EFCAB5: variants seen among roughly 807,000 people sequenced by gnomAD.
EFCAB5 encodes the protein EF-hand calcium-binding domain-containing protein 5.
EFCAB5 carries 131 observed loss-of-function variants against 167.9 expected under a neutral mutation model. The observed-to-expected ratio is 0.78, with a 90% CI of 0.68 to 0.90. EFCAB5 has a LOEUF of 0.90. Ranked by LOEUF, EFCAB5 falls within the 40% of genes least tolerant of loss-of-function variation. EFCAB5 has a pLI of 0.00. For missense variants in EFCAB5, 1,663 were observed against 1,745.2 expected (o/e 0.95, Z 0.84); for synonymous variants, 574 against 602.8 (o/e 0.95, Z 0.70).
intron 14 of EFCAB5, among the ~76,000 whole-genome samples, chr17:30,066,490 A>G (rs2151809916): frequency 6.6e-6 from 1 of 152,228 alleles, no homozygotes; most frequent in South Asian, 2.1e-4. Flanking sequence ...GAAACAGAAC[A>G]TACTAAAACC....
chr17:30,085,548 G>C (rs994215209), intron 18 of EFCAB5, among the ~76,000 whole-genome samples: 6 of 151,944 alleles, frequency 3.9e-5, no homozygotes, highest in Non-Finnish European at 5.9e-5. Context: ...GTGAAACCCC[G>C]TCTCTACTAA....
At chr17:30,025,405 G>A (rs2069291124) in intron 7 of EFCAB5, among the ~76,000 whole-genome samples, 2 of 151,988 alleles carry the variant, frequency 1.3e-5, no homozygotes, top group Admixed American at 1.3e-4. Flanking sequence ...GCAGCCAAAA[G>A]ACACATGAAA....
chr17:30,042,619 T>G (rs1251558863), intron 8 of EFCAB5, among the ~76,000 whole-genome samples: 1 of 152,176 alleles, frequency 6.6e-6, no homozygotes, highest in African/African-American at 2.4e-5. Flanking sequence ...TATCCTTATA[T>G]GTATAAAGAA....
intron 19 of EFCAB5, 44 bp from the exon 20 acceptor site, chr17:30,090,373 AACAG>A: frequency 2.3e-5 from 37 of 1,592,194 alleles, no homozygotes; most frequent in Non-Finnish European, 3.1e-5. Context: ...GAATGATGTG[AACAG>A]ACAGATGTTT....
At position 30,012,866 on chromosome 17, in the gene EFCAB5, A is replaced by T. The variant is rs562914026; in HGVS notation, c.1044+12890A>T. Among the ~76,000 whole-genome samples the T allele has an allele frequency of 9.7e-4, 147 of 152,298 alleles. 1 individual carries two copies. Among genetic ancestry groups the T allele is most frequent in the African/African-American group, 3.4e-3 (141 of 41,558 alleles). On this transcript the variant is annotated intron_variant, in intron 7 of 22. Transcript: ENST00000394835. ...TTGAATAGGAGTGGTGAGAGAGGGC[A>T]TCCCTGTCTTATGCCAGTTTTCAAA...
intron 5 of EFCAB5, among the ~76,000 whole-genome samples, chr17:29,994,955 T>C (rs1567702070): frequency 1.3e-5 from 2 of 152,236 alleles, no homozygotes; most frequent in African/African-American, 4.8e-5. Context: ...AGGTGTCCTT[T>C]AATGATTTTT....
intron 4 of EFCAB5, 75 bp from the exon 5 acceptor site, chr17:29,993,090 T>C (rs540556307): frequency 7.3e-7 from 1 of 1,371,748 alleles, no homozygotes; most frequent in African/African-American, 1.5e-5. Context: ...AAAGAGAGTC[T>C]GAATTCCTGT....
intron 14 of EFCAB5, among the ~76,000 whole-genome samples, chr17:30,064,625 C>T (rs901720228): frequency 6.6e-6 from 1 of 152,114 alleles, no homozygotes. Context: ...CTGGAAATTT[C>T]CCAAGTCTGG....
intron 4 of EFCAB5, among the ~76,000 whole-genome samples, chr17:29,981,784 C>T (rs538250364): frequency 1.3e-5 from 2 of 152,244 alleles, no homozygotes; most frequent in East Asian, 1.9e-4. Flanking sequence ...ATGGGAGAGT[C>T]ACCTCATTTT....
intron 1 of EFCAB5, chr17:29,930,327 C>T (rs1204206765): frequency 3.6e-5 from 13 of 356,214 alleles, no homozygotes; most frequent in South Asian, 4.0e-5. Flanking sequence ...GGAAGCTGGC[C>T]GAGTGCGTGC....
At chr17:29,997,930 T>C (rs1384036737) in intron 6 of EFCAB5, among the ~76,000 whole-genome samples, 3 of 149,616 alleles carry the variant, frequency 2.0e-5, no homozygotes, top group Non-Finnish European at 4.4e-5. Flanking sequence ...TATATGAAAT[T>C]AGGTGGAAAA....
At chr17:30,063,677 C>T (rs1310028453) in intron 14 of EFCAB5, among the ~76,000 whole-genome samples, 3 of 152,170 alleles carry the variant, frequency 2.0e-5, no homozygotes, top group Non-Finnish European at 4.4e-5. Context: ...CGACACCTGC[C>T]CTGAGCACCT....
chr17:30,006,641 A>G (rs1347343323), intron 7 of EFCAB5, among the ~76,000 whole-genome samples: 2 of 152,138 alleles, frequency 1.3e-5, no homozygotes, highest in Non-Finnish European at 2.9e-5. Context: ...CAAAATTTGA[A>G]TTACTGAGAT....
In EFCAB5 at chr17:30,053,396, A is replaced by G; in HGVS notation, c.1442A>G (p.Gln481Arg). Residue 481 changes from glutamine (Q) to arginine (R), a missense_variant, in exon 10 of 23, where the codon CAA becomes CGA. Coordinates refer to ENST00000394835, the MANE Select transcript of EFCAB5 (RefSeq NM_198529.4). ...LLSANHASKT[Q>R]SKLLESPDQP... ...TCTGCAAATCATGCTAGCAAAACCC[A>G]AAGTAAATTATTAGAAAGTCCAGAT... The G allele has an allele frequency of 6.2e-7, 1 of 1,614,038 alleles. No individual in the cohort carries two copies. Among genetic ancestry groups the G allele is most frequent in the African/African-American group, 1.3e-5 (1 of 75,056 alleles).
intron 8 of EFCAB5, among the ~76,000 whole-genome samples, chr17:30,036,287 CACATAT>C: frequency 1.6e-5 from 1 of 61,184 alleles, no homozygotes; most frequent in African/African-American, 6.2e-5. Context: ...ATATATAATA[CACATAT>C]ATAATATATA....
At position 30,081,790 on chromosome 17, in the gene EFCAB5, A is replaced by T. The variant is rs780131287; in HGVS notation, c.3426+809A>T. Among the ~76,000 whole-genome samples the T allele has an allele frequency of 1.7e-4, 26 of 152,370 alleles. No individual in the cohort carries two copies. In the Middle Eastern group the frequency reaches 0.01, roughly 60 times the overall value. On this transcript the variant is annotated intron_variant, in intron 17 of 22. Transcript: ENST00000394835. ...TTTCTCTGGACACATTTTCAATAAT[A>T]AAATTCATTCTCATCTGACACAAGA...
chr17:30,052,955 A>G (rs2151779048), intron 9 of EFCAB5, among the ~76,000 whole-genome samples: 1 of 152,352 alleles, frequency 6.6e-6, no homozygotes, highest in Non-Finnish European at 1.5e-5. Context: ...AAGGTAGAGG[A>G]CAAATTCTAT....
chr17:30,022,174 C>T (rs2069195795), intron 7 of EFCAB5, among the ~76,000 whole-genome samples: 1 of 151,964 alleles, frequency 6.6e-6, no homozygotes, highest in African/African-American at 2.4e-5. Context: ...AAATGAAGAC[C>T]CAAAGTAACT....
chr17:29,983,795 T>C (rs1043945563), intron 4 of EFCAB5, among the ~76,000 whole-genome samples: 2 of 152,164 alleles, frequency 1.3e-5, no homozygotes, highest in Non-Finnish European at 2.9e-5. Flanking sequence ...TTGAGTCTCA[T>C]GTACAGTGGC....
Sources: allele counts gnomAD v4.1 joint callset (sites outside exome capture counted in the v4.1 genomes callset), GRCh38; gene constraint gnomAD v4.1.1; transcripts MANE v1.5; gene names NCBI Gene and HGNC (gene_info 2026-07-23, HGNC 2026-07-21).